Variants in GNA12 observed in about 807,000 individuals in gnomAD.
GNA12 encodes G protein subunit alpha 12.
A neutral mutation model predicts 26.0 loss-of-function variants in GNA12; 9 were observed. That is an observed-to-expected ratio of 0.35 (90% CI 0.21 to 0.60). GNA12 has a LOEUF of 0.60. Ranked by LOEUF, GNA12 falls within the 20% of genes least tolerant of loss-of-function variation. GNA12 has a pLI of 0.78. For synonymous variants in GNA12, 264 were observed against 219.6 expected, an observed-to-expected ratio of 1.20 and a Z score of -1.79; for missense variants, 405 against 525.8, an observed-to-expected ratio of 0.77 and a Z score of 2.25.
chr7:2,811,685 C>T (rs770452770), intron 1 of GNA12, among the ~76,000 whole-genome samples: 1 of 152,236 alleles, frequency 6.6e-6, no homozygotes, highest in African/African-American at 2.4e-5. Context: ...TGGTTAAACC[C>T]TAGCCGCCAA....
At chr7:2,761,178 G>A (rs1223768628) in intron 2 of GNA12, among the ~76,000 whole-genome samples, 1 of 152,154 alleles carries the variant, frequency 6.6e-6, no homozygotes, top group Non-Finnish European at 1.5e-5. Context: ...CCGAGCCACC[G>A]TGCACGGCAC....
At chr7:2,809,419 C>T (rs1398674463) in intron 1 of GNA12, among the ~76,000 whole-genome samples, 2 of 152,186 alleles carry the variant, frequency 1.3e-5, no homozygotes, top group Non-Finnish European at 2.9e-5. Context: ...ACAAACCAAA[C>T]ATCATTAGCG....
chr7:2,742,512 A>G (rs1036415297), intron 2 of GNA12, among the ~76,000 whole-genome samples: 9 of 152,204 alleles, frequency 5.9e-5, no homozygotes, highest in Admixed American at 4.6e-4. Context: ...ATGGACTCAC[A>G]GACGCTGTCA....
At chr7:2,794,408 A>G (rs1447709552) in intron 2 of GNA12, among the ~76,000 whole-genome samples, 1 of 152,208 alleles carries the variant, frequency 6.6e-6, no homozygotes, top group African/African-American at 2.4e-5. Context: ...AAAACCCCCC[A>G]GATTTTCTGG....
At chr7:2,733,377 G>A (rs941864358) in intron 3 of GNA12, 74 bp downstream of exon 3, 11 of 1,235,564 alleles carry the variant, frequency 8.9e-6, no homozygotes, top group South Asian at 1.3e-5. Flanking sequence ...TCCTCACAAC[G>A]TGGACTGCTT....
chr7:2,783,080 C>T (rs1323649005), intron 2 of GNA12, among the ~76,000 whole-genome samples: 2 of 152,166 alleles, frequency 1.3e-5, no homozygotes, highest in Non-Finnish European at 2.9e-5. Flanking sequence ...ATATCTGAAG[C>T]ATGTAGGTCT....
At chr7:2,842,082 C>T (rs926101615) in intron 1 of GNA12, among the ~76,000 whole-genome samples, 4 of 71,792 alleles carry the variant, frequency 5.6e-5, no homozygotes, top group East Asian at 4.9e-4. Flanking sequence ...AAAAGGAAGG[C>T]GGGAAGGAAA....
chr7:2,816,185 A>G (rs1793213917), intron 1 of GNA12, among the ~76,000 whole-genome samples: 1 of 152,014 alleles, frequency 6.6e-6, no homozygotes, highest in Non-Finnish European at 1.5e-5. Context: ...AAAGAAGTAA[A>G]CCAGATCTTC....
intron 2 of GNA12, among the ~76,000 whole-genome samples, chr7:2,765,875 G>GC (rs71026552): frequency 0.25 from 36,625 of 147,688 alleles, 4,903 homozygotes; most frequent in Non-Finnish European, 0.29. Flanking sequence ...GTGATCCAGG[G>GC]CCCCCCTCCC....
At chr7:2,830,605 CA>C (rs1793583056) in intron 1 of GNA12, among the ~76,000 whole-genome samples, 1 of 152,170 alleles carries the variant, frequency 6.6e-6, no homozygotes, top group African/African-American at 2.4e-5. Context: ...CTTCCCCGAG[CA>C]AAGGGGGATA....
At chr7:2,810,668 G>T (rs1793059121) in intron 1 of GNA12, among the ~76,000 whole-genome samples, 1 of 152,084 alleles carries the variant, frequency 6.6e-6, no homozygotes, top group Non-Finnish European at 1.5e-5. Context: ...AGGCTGAGGC[G>T]GGCAGATCAC....
At chr7:2,762,543 A>C in intron 2 of GNA12, 1 of 1,305,156 alleles carries the variant, frequency 7.7e-7, no homozygotes, top group Non-Finnish European at 1.0e-6. Context: ...CACGCCTTCT[A>C]TTCTGGAGTT....
At chr7:2,818,488 T>G (rs1793266190) in intron 1 of GNA12, among the ~76,000 whole-genome samples, 1 of 151,378 alleles carries the variant, frequency 6.6e-6, no homozygotes, top group African/African-American at 2.5e-5. Context: ...GGAAGCCTGG[T>G]GCGGTGGCTC....
rs371301864 is a variant in GNA12, at chr7:2,741,401, A to C, written c.526-7900T>G. 1.6e-3 allele frequency among the ~76,000 whole-genome samples: 248 copies of C among 152,226 alleles called. 2 individuals carry two copies. Among genetic ancestry groups the C allele is most frequent in the Middle Eastern group, 0.01 (3 of 294 alleles). On this transcript the variant is annotated intron_variant, in intron 2 of 3. Coordinates refer to ENST00000275364, the MANE Select transcript of GNA12 (RefSeq NM_007353.3). ...AAATAACAGGGCTAGGGGTGGGGAG[A>C]GCTCACCCAGTTTCCAGAGGCTTCC...
At chr7:2,749,985 T>A (rs1156574108) in intron 2 of GNA12, among the ~76,000 whole-genome samples, 1 of 152,170 alleles carries the variant, frequency 6.6e-6, no homozygotes, top group Admixed American at 6.6e-5. Context: ...CAGAGAATGT[T>A]TTTAGAAGCA....
intron 2 of GNA12, among the ~76,000 whole-genome samples, chr7:2,738,485 A>T (rs1275404581): frequency 6.6e-6 from 1 of 152,214 alleles, no homozygotes; most frequent in Non-Finnish European, 1.5e-5. Flanking sequence ...CCAAAGGAAA[A>T]GCACAAGGCA....
At chr7:2,787,402 G>T (rs1463841326) in intron 2 of GNA12, among the ~76,000 whole-genome samples, 1 of 152,098 alleles carries the variant, frequency 6.6e-6, no homozygotes, top group Non-Finnish European at 1.5e-5. Context: ...CCCTCCACAG[G>T]CACCACGAGC....
intron 2 of GNA12, among the ~76,000 whole-genome samples, chr7:2,747,274 AAAT>A (rs1219821561): frequency 1.3e-5 from 2 of 152,240 alleles, no homozygotes; most frequent in African/African-American, 4.8e-5. Flanking sequence ...ATCCTCAATA[AAAT>A]ACTGGAAAAG....
chr7:2,732,474 A>T (rs568989179), intron 3 of GNA12, among the ~76,000 whole-genome samples: 1 of 152,264 alleles, frequency 6.6e-6, no homozygotes, highest in African/African-American at 2.4e-5. Flanking sequence ...TGAACCTAGG[A>T]GGTTGAGGCT....
Sources: gnomAD v4.1 joint callset for allele counts (sites outside exome capture counted in the v4.1 genomes callset) on GRCh38, gnomAD v4.1.1 for gene constraint, MANE v1.5 for transcripts, NCBI Gene and HGNC (gene_info 2026-07-23, HGNC 2026-07-21) for gene names.